The following KIF5C variants were observed in gnomAD, a reference collection of about 807,000 sequenced individuals.
The protein encoded by KIF5C is kinesin heavy chain isoform 5C.
A neutral mutation model predicts 125.2 loss-of-function variants in KIF5C; 18 were observed. That is an observed-to-expected ratio of 0.14 (90% CI 0.10 to 0.21). The LOEUF is 0.21. Ranked by LOEUF, KIF5C falls within the 10% of genes least tolerant of loss-of-function variation. KIF5C has a pLI of 1.00. For synonymous variants in KIF5C, 405 were observed against 434.0 expected, an observed-to-expected ratio of 0.93 and a Z score of 0.83; for missense variants, 780 against 1,183.8, an observed-to-expected ratio of 0.66 and a Z score of 5.01.
At chr2:149,018,599 C>T (rs1682438806) in intron 25 of KIF5C, among the ~76,000 whole-genome samples, 1 of 152,162 alleles carries the variant, frequency 6.6e-6, no homozygotes, top group Admixed American at 6.5e-5. Flanking sequence ...GAGGCCAAGG[C>T]AGGAGGATCA....
chr2:148,984,822 G>C (rs1681333326), intron 15 of KIF5C, among the ~76,000 whole-genome samples: 1 of 151,946 alleles, frequency 6.6e-6, no homozygotes, highest in East Asian at 1.9e-4. Context: ...ACAAACTTTT[G>C]CTTTGTCACC....
At chr2:148,878,522 T>C (rs993833082) in intron 1 of KIF5C, 2 of 152,220 alleles carry the variant, frequency 1.3e-5, no homozygotes, top group Non-Finnish European at 2.9e-5. Flanking sequence ...CGTTTATGTA[T>C]ATTTTGGTGA....
intron 4 of KIF5C, 116 bp downstream of exon 4, chr2:148,937,504 G>A: frequency 1.4e-6 from 2 of 1,389,700 alleles, no homozygotes; most frequent in Non-Finnish European, 1.9e-6. Flanking sequence ...TGACATTCTT[G>A]TGGTAAGCAG....
In KIF5C at chr2:148,875,710, C is replaced by T; in HGVS notation, c.93C>T (p.Pro31=). ...AEILRGDKFI[P]KFKGDETVVI... Reference sequence around the variant, plus strand: ...TCCTCCGCGGGGACAAATTCATCCCCAAATTTAAAGGCGATGAGACCGTGG... The same window carrying T: ...TCCTCCGCGGGGACAAATTCATCCCTAAATTTAAAGGCGATGAGACCGTGG... The change falls in exon 1 of 26, where the codon CCC becomes CCT. Residue 31 remains proline, a synonymous_variant. Transcript: ENST00000435030. 1.2e-6 allele frequency: 2 copies of T among 1,602,876 alleles called. No individual in the cohort carries two copies. Among genetic ancestry groups the T allele is most frequent in the Non-Finnish European group, 1.7e-6 (2 of 1,175,200 alleles).
At chr2:148,959,767 C>G in intron 10 of KIF5C, among the ~76,000 whole-genome samples, 1 of 152,182 alleles carries the variant, frequency 6.6e-6, no homozygotes, top group South Asian at 2.1e-4. Flanking sequence ...AGTTATGTTA[C>G]ACCCGTGGGG....
rs1395965010 is a variant in KIF5C at position 148,942,661 on chromosome 2, A to T, written c.502-12A>T. On this transcript the variant is annotated splice_polypyrimidine_tract_variant and intron_variant, in intron 6 of 25. Transcript: ENST00000435030. ...CTCTTTCAGTGGTGAACCTGAACTG[A>T]TTCTCTTCCAGGGGTGCACTGAGCG... is the stretch of plus-strand genomic sequence containing the variant. 3 of 1,605,592 alleles carry T rather than the reference A, an allele frequency of 1.9e-6. No individual in the cohort carries two copies. The highest frequency in any genetic ancestry group is 2.6e-6 in the Non-Finnish European group (3 of 1,176,178).
At chr2:148,993,899 A>AGT (rs143164596) in intron 16 of KIF5C, among the ~76,000 whole-genome samples, 7 of 151,736 alleles carry the variant, frequency 4.6e-5, no homozygotes, top group African/African-American at 1.5e-4. Context: ...TAGCCAAGGT[A>AGT]GTGTGTGTGT....
chr2:148,950,445 A>G lies in KIF5C; in HGVS notation c.951A>G (p.Thr317=), dbSNP rs761310417. The part of the protein sequence containing the change: ...SVFNEAETKS[T]LMFGQRAKTI... ...TCAATGAGGCTGAGACCAAGTCCACACTGATGTTCGGACAGAGGTACGTGT... is the reference window on the plus strand; with the variant it reads ...TCAATGAGGCTGAGACCAAGTCCACGCTGATGTTCGGACAGAGGTACGTGT... The change falls in exon 10 of 26, where the codon ACA becomes ACG. Residue 317 remains threonine (T), a synonymous_variant. Coordinates refer to ENST00000435030, the MANE Select transcript of KIF5C (RefSeq NM_004522.3). 1.4e-5 allele frequency: 22 copies of G among 1,613,740 alleles called. No homozygotes were observed. The East Asian group carries it at 4.2e-4, about 31-fold the overall frequency.
intron 1 of KIF5C, among the ~76,000 whole-genome samples, chr2:148,915,002 A>T (rs750743677): frequency 9.2e-5 from 14 of 152,286 alleles, no homozygotes; most frequent in Non-Finnish European, 1.5e-4. Flanking sequence ...ATTGCCAGGT[A>T]TGGGATGTTT....
intron 5 of KIF5C, 108 bp from the exon 6 acceptor site, chr2:148,941,826 CA>C: frequency 6.8e-7 from 1 of 1,480,864 alleles, no homozygotes; most frequent in Middle Eastern, 1.8e-4. Flanking sequence ...TTGCATATTG[CA>C]AAGAGATTAG....
chr2:148,984,035 T>C (rs887879648), intron 15 of KIF5C, among the ~76,000 whole-genome samples: 14 of 152,246 alleles, frequency 9.2e-5, no homozygotes, highest in African/African-American at 2.9e-4. Context: ...ATTTCTCAAA[T>C]TGGTTTATTT....
At chr2:148,901,036 G>A (rs563702768) in intron 1 of KIF5C, among the ~76,000 whole-genome samples, 56 of 152,314 alleles carry the variant, frequency 3.7e-4, no homozygotes, top group Non-Finnish European at 5.1e-4. Flanking sequence ...AATGGTGGTT[G>A]CTGAGATGCG....
At chr2:149,001,349 T>A (rs1229386367) in intron 21 of KIF5C, among the ~76,000 whole-genome samples, 1 of 152,036 alleles carries the variant, frequency 6.6e-6, no homozygotes, top group Non-Finnish European at 1.5e-5. Flanking sequence ...GGGGAGAGCA[T>A]TCCAGGCAGA....
chr2:149,013,429 T>C (rs183092516), intron 25 of KIF5C, among the ~76,000 whole-genome samples: 1 of 152,234 alleles, frequency 6.6e-6, no homozygotes, highest in East Asian at 1.9e-4. Context: ...TGCCTCCCTT[T>C]CCCTGGACAG....
chr2:148,915,661 A>G (rs1158962873), intron 1 of KIF5C, among the ~76,000 whole-genome samples: 1 of 152,256 alleles, frequency 6.6e-6, no homozygotes, highest in Non-Finnish European at 1.5e-5. Context: ...GAACTTTGGG[A>G]GCAAAATGTC....
chr2:148,997,277 A>G lies in KIF5C; in HGVS notation c.2037A>G (p.Glu679=), dbSNP rs749950408. 3 of 1,612,974 alleles carry G rather than the reference A, an allele frequency of 1.9e-6. No individual in the cohort carries two copies. The highest frequency in any genetic ancestry group is 2.5e-6 in the Non-Finnish European group (3 of 1,179,014). The stretch of plus-strand genomic sequence containing the variant: ...AATTCAAAACAGAAAAAATGCACGA[A>G]GTCAGCTTCCAGGATAAGGAGAAGG... The part of the protein sequence containing the change: ...AKLRAQEKMH[E]VSFQDKEKEH... The change falls in exon 18 of 26, where the codon GAA becomes GAG. Residue 679 remains glutamate, a synonymous_variant. Transcript: ENST00000435030.
At chr2:148,923,711 G>A (rs944316725) in intron 2 of KIF5C, among the ~76,000 whole-genome samples, 4 of 151,950 alleles carry the variant, frequency 2.6e-5, no homozygotes, top group African/African-American at 9.7e-5. Flanking sequence ...CACATGCTGT[G>A]CTAAACATGA....
At chr2:148,937,938 G>A (rs151185409) in intron 4 of KIF5C, among the ~76,000 whole-genome samples, 4 of 152,340 alleles carry the variant, frequency 2.6e-5, no homozygotes, top group African/African-American at 7.2e-5. Context: ...TGAGCAGAGT[G>A]TCACAGAGCA....
rs572132082 is a variant in KIF5C at position 148,934,850 on chromosome 2, A to G, written c.292-2434A>G. Among the ~76,000 whole-genome samples, 44 of 151,832 alleles carry G rather than the reference A, an allele frequency of 2.9e-4. 1 individual carries two copies. Among genetic ancestry groups the G allele is most frequent in the African/African-American group, 9.4e-4 (39 of 41,390 alleles). Reference sequence around the variant, plus strand: ...CCCCACACGTATATCACACACAGACATATACTACACACATCACACATCCAT... The same window carrying G: ...CCCCACACGTATATCACACACAGACGTATACTACACACATCACACATCCAT... On this transcript the variant is annotated intron_variant, in intron 3 of 25. Transcript: ENST00000435030.
Sources: gnomAD v4.1 joint callset for allele counts (sites outside exome capture counted in the v4.1 genomes callset) on GRCh38, gnomAD v4.1.1 for gene constraint, MANE v1.5 for transcripts, NCBI Gene and HGNC (gene_info 2026-07-23, HGNC 2026-07-21) for gene names.